GREM2: variants seen among roughly 807,000 people sequenced by gnomAD.
GREM2 encodes the protein gremlin-2.
GREM2 carries 11 observed loss-of-function variants against 14.2 expected under a neutral mutation model. The ratio of observed to expected loss-of-function variants is 0.78; its 90% confidence interval spans 0.49 to 1.28. GREM2 has a LOEUF of 1.28. Ranked by LOEUF, GREM2 falls within the 50% of genes most tolerant of loss-of-function variation. The pLI is 0.00. For missense variants in GREM2, 210 were observed against 218.5 expected, an observed-to-expected ratio of 0.96 and a Z score of 0.24; for synonymous variants, 98 against 97.6, an observed-to-expected ratio of 1.00 and a Z score of -0.02.
chr1:240,546,560 C>T (rs1460794516), intron 1 of GREM2, among the ~76,000 whole-genome samples: 1 of 152,074 alleles, frequency 6.6e-6, no homozygotes, highest in Non-Finnish European at 1.5e-5. Context: ...GAGTTTTGCA[C>T]ATAACAAGCA....
chr1:240,594,205 T>C (rs1679770139), intron 1 of GREM2, among the ~76,000 whole-genome samples: 2 of 152,102 alleles, frequency 1.3e-5, no homozygotes, highest in South Asian at 4.1e-4. Flanking sequence ...CCTCCTGCCT[T>C]GGCCTCCCAA....
intron 1 of GREM2, among the ~76,000 whole-genome samples, chr1:240,554,344 G>C (rs2103341854): frequency 6.6e-6 from 1 of 151,504 alleles, no homozygotes; most frequent in East Asian, 2.0e-4. Flanking sequence ...CTGGGAGGTA[G>C]AGGTTGCAGT....
intron 1 of GREM2, among the ~76,000 whole-genome samples, chr1:240,560,527 G>C (rs1171170306): frequency 6.6e-6 from 1 of 152,168 alleles, no homozygotes; most frequent in Non-Finnish European, 1.5e-5. Flanking sequence ...GAACCAAACT[G>C]AATGAAGAGG....
chr1:240,599,530 G>A (rs1169820620), intron 1 of GREM2, among the ~76,000 whole-genome samples: 1 of 152,152 alleles, frequency 6.6e-6, no homozygotes, highest in African/African-American at 2.4e-5. Flanking sequence ...CCCTGAATCC[G>A]GTCCAGAGGC....
chr1:240,536,882 T>C (rs1361377640), intron 1 of GREM2, among the ~76,000 whole-genome samples: 1 of 152,186 alleles, frequency 6.6e-6, no homozygotes, highest in African/African-American at 2.4e-5. Flanking sequence ...TAACAAACCT[T>C]CAAAGAAGAC....
intron 1 of GREM2, among the ~76,000 whole-genome samples, chr1:240,563,834 C>T (rs1679120125): frequency 6.6e-6 from 1 of 152,090 alleles, no homozygotes; most frequent in Admixed American, 6.5e-5. Context: ...AGACATGTAC[C>T]CAATGGCCTT....
chr1:240,526,638 C>T (rs566892231), intron 1 of GREM2, among the ~76,000 whole-genome samples: 6 of 152,174 alleles, frequency 3.9e-5, no homozygotes, highest in Non-Finnish European at 8.8e-5. Context: ...ACTCTCTGAC[C>T]CCCATCTGTC....
intron 1 of GREM2, chr1:240,588,790 A>G (rs1679649988): frequency 1.3e-5 from 2 of 152,220 alleles, no homozygotes; most frequent in South Asian, 4.1e-4. Context: ...TCTTTGAAGC[A>G]TTTTCAAAGC....
Position 240,539,122 on chromosome 1 carries a change from A to G in GREM2, c.-1-45646T>C, listed in dbSNP as rs1678537128. Among the ~76,000 whole-genome samples the G allele has an allele frequency of 2.0e-5, 3 of 152,294 alleles. No individual in the cohort carries two copies. The South Asian group carries it at 6.2e-4, about 32-fold the overall frequency. On this transcript the variant is annotated intron_variant, in intron 1 of 1. Transcript: ENST00000318160. ...CAGCATCATTTGCCATGTTAAAGCC[A>G]AGCCTTGTGCACTGAGCAACTTTTC...
chr1:240,512,415 T>C (rs553738708), intron 1 of GREM2, among the ~76,000 whole-genome samples: 224 of 57,286 alleles, frequency 3.9e-3, no homozygotes, highest in African/African-American at 0.03. Flanking sequence ...AGTAGAATCA[T>C]TCCAGAAGTT....
chr1:240,604,235 TG>T (rs897643553), intron 1 of GREM2, among the ~76,000 whole-genome samples: 3 of 151,722 alleles, frequency 2.0e-5, no homozygotes, highest in Non-Finnish European at 4.4e-5. Context: ...CCTCCAGTAT[TG>T]GGGGTCACAT....
At chr1:240,607,199 G>T (rs535284831) in intron 1 of GREM2, among the ~76,000 whole-genome samples, 1 of 152,288 alleles carries the variant, frequency 6.6e-6, no homozygotes, top group South Asian at 2.1e-4. Context: ...CAGCTGGAAT[G>T]AAGCCCAGTG....
At chr1:240,608,470 T>C (rs1323880314) in intron 1 of GREM2, among the ~76,000 whole-genome samples, 1 of 152,208 alleles carries the variant, frequency 6.6e-6, no homozygotes, top group Admixed American at 6.5e-5. Flanking sequence ...TATAATTGCA[T>C]AAAAGCAGAG....
intron 1 of GREM2, among the ~76,000 whole-genome samples, chr1:240,571,101 A>G (rs1558167144): frequency 6.6e-6 from 1 of 152,214 alleles, no homozygotes; most frequent in Non-Finnish European, 1.5e-5. Context: ...CACATTTTTC[A>G]TCTCAAATTC....
At chr1:240,591,303 C>T (rs774111941) in intron 1 of GREM2, among the ~76,000 whole-genome samples, 72 of 152,176 alleles carry the variant, frequency 4.7e-4, no homozygotes, top group Non-Finnish European at 8.7e-4. Flanking sequence ...CAGAGCCTGA[C>T]AGAGCGACTA....
intron 1 of GREM2, among the ~76,000 whole-genome samples, chr1:240,602,621 A>T (rs1383742649): frequency 6.6e-6 from 1 of 152,068 alleles, no homozygotes; most frequent in African/African-American, 2.4e-5. Flanking sequence ...GATCAAGACC[A>T]TCCTGGCCAA....
intron 1 of GREM2, among the ~76,000 whole-genome samples, chr1:240,520,912 CAAAA>C (rs200953017): frequency 7.9e-5 from 7 of 89,078 alleles, no homozygotes; most frequent in Non-Finnish European, 9.4e-5. Context: ...TCTTCATGGG[CAAAA>C]AAAAAAAAAA....
chr1:240,590,096 C>T (rs1679676050), intron 1 of GREM2, among the ~76,000 whole-genome samples: 1 of 152,272 alleles, frequency 6.6e-6, no homozygotes, highest in Non-Finnish European at 1.5e-5. Context: ...TTGCTTTGAA[C>T]AGTTATCTGT....
intron 1 of GREM2, among the ~76,000 whole-genome samples, chr1:240,503,097 G>T (rs1224166733): frequency 6.6e-6 from 1 of 152,168 alleles, no homozygotes; most frequent in Non-Finnish European, 1.5e-5. Context: ...TCAAATCTTT[G>T]CAGTATAGAG....
Sources: allele counts gnomAD v4.1 joint callset (sites outside exome capture counted in the v4.1 genomes callset), GRCh38; gene constraint gnomAD v4.1.1; transcripts MANE v1.5; gene names NCBI Gene and HGNC (gene_info 2026-07-23, HGNC 2026-07-21).